The following RMDN3 variants were observed in gnomAD, a reference collection of about 807,000 sequenced individuals.
RMDN3 encodes regulator of microtubule dynamics 3.
In RMDN3, 41 loss-of-function variants were observed where a neutral mutation model predicts 61.8. The ratio of observed to expected loss-of-function variants is 0.66; its 90% confidence interval spans 0.52 to 0.86. RMDN3 has a LOEUF of 0.86. RMDN3 is among the 40% of genes least tolerant of loss of function. The pLI, the probability that RMDN3 is intolerant of heterozygous loss-of-function variation, is 0.00. For synonymous variants in RMDN3, 247 were observed against 232.0 expected (o/e 1.06, Z -0.59); for missense variants, 557 against 585.3 (o/e 0.95, Z 0.50).
At position 40,738,567 on chromosome 15, in the gene RMDN3, C is replaced by T; in HGVS notation, c.981G>A (p.Val327=). 1 of 1,614,078 alleles carries T rather than the reference C, an allele frequency of 6.2e-7. No homozygotes were observed. ...CATGCTCAGCCAGCTGACCACAAAGCACCGCATACCTAGGGGGGAAGCAGC... is the reference window on the plus strand; with the variant it reads ...CATGCTCAGCCAGCTGACCACAAAGTACCGCATACCTAGGGGGGAAGCAGC... ...ESADCHLWYA[V]LCGQLAEHES... Residue 327 remains valine (V), a synonymous_variant, in exon 8 of 13, where the codon GTG becomes GTA. Transcript: ENST00000338376.
intron 1 of RMDN3, 81 bp from the exon 2 acceptor site, chr15:40,754,871 G>T: frequency 8.0e-7 from 1 of 1,245,774 alleles, no homozygotes; most frequent in Non-Finnish European, 1.1e-6. Flanking sequence ...CGTGAACCCG[G>T]TAAACCCACC....
Position 40,745,276 on chromosome 15 carries a change from A to C in RMDN3, c.525-17T>G. The C allele has an allele frequency of 6.2e-7, 1 of 1,610,898 alleles. No homozygotes were observed. Among genetic ancestry groups the C allele is most frequent in the Non-Finnish European group, 8.5e-7 (1 of 1,179,018 alleles). ...GTTGTGTAACTGGCAGAGAAATGTA[A>C]GGGACAACAAGAGGATTATTCAGCT... On this transcript the variant is annotated splice_polypyrimidine_tract_variant and intron_variant, in intron 4 of 12. Transcript: ENST00000338376.
intron 4 of RMDN3, among the ~76,000 whole-genome samples, chr15:40,750,533 C>T (rs1897776904): frequency 6.6e-6 from 1 of 151,856 alleles, no homozygotes; most frequent in Non-Finnish European, 1.5e-5. Flanking sequence ...CCAGGATGGT[C>T]TCAAGCTCCT....
chr15:40,754,812 G>A (rs1387716444), intron 1 of RMDN3, 22 bp from the exon 2 acceptor site: 5 of 1,495,198 alleles, frequency 3.3e-6, no homozygotes, highest in East Asian at 4.7e-5. Context: ...AGAAGTCACC[G>A]GGAGCAGGCA....
In RMDN3 at chr15:40,736,703, A is replaced by G. The variant is rs184045975; in HGVS notation, c.1360-109T>C. 5.4e-4 allele frequency: 500 copies of G among 932,388 alleles called. 2 individuals are homozygous for G. In the African/African-American group the frequency reaches 6.9e-3, roughly 13 times the overall value. 57.8% of individuals were successfully genotyped at this position (932,388 alleles called of 1,614,324 possible). On this transcript the variant is annotated intron_variant, in intron 12 of 12. Transcript: ENST00000338376. ...TTGCTTCCTTCCTGAGCTCTGCTAC[A>G]GTCTTTTTCCTACTTCCCCAGGATA...
In RMDN3 at chr15:40,751,488, G is replaced by T; in HGVS notation, c.462C>A (p.Ser154=). Residue 154 remains serine, a synonymous_variant, in exon 4 of 13, where the codon TCC becomes TCA. Coordinates refer to ENST00000338376, the MANE Select transcript of RMDN3 (RefSeq NM_018145.3). ...AGGAGGCCGTGAAGTAGACAGAGCT[G>T]GAGCCAGTGGAGTCACTCCTCTCCC... ...FVRERSDSTG[S]SSVYFTASSG... 1 of 1,614,202 alleles carries T rather than the reference G, an allele frequency of 6.2e-7. No individual in the cohort carries two copies. The highest frequency in any genetic ancestry group is 8.5e-7 in the Non-Finnish European group (1 of 1,180,038).
At chr15:40,753,879 G>A (rs992006673) in intron 2 of RMDN3, among the ~76,000 whole-genome samples, 1 of 151,886 alleles carries the variant, frequency 6.6e-6, no homozygotes, top group African/African-American at 2.4e-5. Flanking sequence ...TAGTTGCCAA[G>A]TTGTCTTCAA....
intron 4 of RMDN3, among the ~76,000 whole-genome samples, chr15:40,747,044 G>A (rs568985349): frequency 6.6e-6 from 1 of 152,290 alleles, no homozygotes; most frequent in South Asian, 2.1e-4. Flanking sequence ...AGTCTCCTCT[G>A]CCCAGCCAGG....
At chr15:40,744,711 C>T (rs1897437877) in intron 5 of RMDN3, among the ~76,000 whole-genome samples, 1 of 151,804 alleles carries the variant, frequency 6.6e-6, no homozygotes, top group Non-Finnish European at 1.5e-5. Context: ...AGTAGCTCTA[C>T]AGAAAGCAGA....
Position 40,737,171 on chromosome 15 carries a change from T to TA in RMDN3, c.1311dup (p.Arg438Ter), listed in dbSNP as rs755212316. 2 of 1,614,118 alleles carry TA rather than the reference T, an allele frequency of 1.2e-6. No individual in the cohort carries two copies. The highest frequency in any genetic ancestry group is 1.7e-5 in the Admixed American group (1 of 60,006). ...TCCAGGGCCAACTTCATCCACCATC[T>TA]AGCTTCAGAGTTTTTCCCTAGTTCT... On this transcript the variant is annotated frameshift_variant, in exon 12 of 13. Coordinates refer to ENST00000338376, the MANE Select transcript of RMDN3 (RefSeq NM_018145.3). LOFTEE classifies it high-confidence loss of function.
At chr15:40,750,560 C>T (rs984939092) in intron 4 of RMDN3, among the ~76,000 whole-genome samples, 13 of 151,826 alleles carry the variant, frequency 8.6e-5, no homozygotes, top group Non-Finnish European at 1.8e-4. Flanking sequence ...AAGCAATCCT[C>T]CTGTCTCGGC....
At chr15:40,753,307 T>G (rs1385154193) in intron 2 of RMDN3, among the ~76,000 whole-genome samples, 9 of 151,800 alleles carry the variant, frequency 5.9e-5, no homozygotes, top group Admixed American at 5.9e-4. Flanking sequence ...AGGCCAGGAG[T>G]TGGAGACCAG....
In RMDN3 at chr15:40,749,032, T is replaced by C. The variant is rs558343712; in HGVS notation, c.524+2394A>G. Among the ~76,000 whole-genome samples the C allele has an allele frequency of 6.6e-5, 10 of 152,160 alleles. No homozygotes were observed. In the South Asian group the frequency reaches 2.1e-3, roughly 32 times the overall value. On this transcript the variant is annotated intron_variant, in intron 4 of 12. Coordinates refer to ENST00000338376, the MANE Select transcript of RMDN3 (RefSeq NM_018145.3). ...GATTCTTCTGCCTCCGCCTCCTAGG[T>C]AGCTGGGATTACCGGTGCCTGCCAA...
At chr15:40,737,245 C>G in intron 11 of RMDN3, 41 bp from the exon 12 acceptor site, 1 of 1,611,010 alleles carries the variant, frequency 6.2e-7, no homozygotes, top group Non-Finnish European at 8.5e-7. Flanking sequence ...TGTGTACTTT[C>G]AGGAGTTCCC....
intron 4 of RMDN3, among the ~76,000 whole-genome samples, chr15:40,750,445 C>A (rs1459617136): frequency 6.6e-6 from 1 of 151,856 alleles, no homozygotes; most frequent in African/African-American, 2.4e-5. Context: ...GTCTCAAACT[C>A]CTGAACTCAG....
At chr15:40,753,526 GAAAAGAA>G (rs1242175425) in intron 2 of RMDN3, among the ~76,000 whole-genome samples, 2 of 148,872 alleles carry the variant, frequency 1.3e-5, no homozygotes, top group African/African-American at 2.6e-5. Flanking sequence ...AAAAAGAAAA[GAAAAGAA>G]AAAAGAAAAG....
At chr15:40,754,930 T>G in intron 1 of RMDN3, 140 bp from the exon 2 acceptor site, 1 of 670,216 alleles carries the variant, frequency 1.5e-6, no homozygotes, top group Non-Finnish European at 2.5e-6. Flanking sequence ...CCCTGAGCTC[T>G]CGACTACGTG....
chr15:40,741,624 T>TTTTTTTTTTTG (rs1278644809), intron 6 of RMDN3, among the ~76,000 whole-genome samples: 1 of 119,568 alleles, frequency 8.4e-6, no homozygotes, highest in South Asian at 3.5e-4. Flanking sequence ...CATAGGATTT[T>TTTTTTTTTTTG]TTTTTTTTTT....
At position 40,745,418 on chromosome 15, in the gene RMDN3, T is replaced by TC. The variant is rs1361284226; in HGVS notation, c.525-160_525-159insG. Among the ~76,000 whole-genome samples the TC allele has an allele frequency of 9.3e-5, 14 of 150,226 alleles. No individual in the cohort carries two copies. The East Asian group carries it at 2.3e-3, about 25-fold the overall frequency. On this transcript the variant is annotated intron_variant, in intron 4 of 12. Transcript: ENST00000338376. The stretch of plus-strand genomic sequence containing the variant: ...TTAAGGGCAGACTTTTTTTCTTTTT[T>TC]TTTTTTTTTTTTGAGACAGGGTCCC...
Sources: gnomAD v4.1 joint callset for allele counts (sites outside exome capture counted in the v4.1 genomes callset) on GRCh38, gnomAD v4.1.1 for gene constraint, MANE v1.5 for transcripts, NCBI Gene and HGNC (gene_info 2026-07-23, HGNC 2026-07-21) for gene names.